GSTCD: variants seen among roughly 807,000 people sequenced by gnomAD.
GSTCD encodes the protein glutathione S-transferase C-terminal domain containing.
A neutral mutation model predicts 68.3 loss-of-function variants in GSTCD; 44 were observed. The observed-to-expected ratio is 0.64, with a 90% CI of 0.51 to 0.83. The LOEUF (loss-of-function observed/expected upper bound fraction) is 0.83, where lower values mean the gene tolerates loss of function less well. GSTCD is among the 40% of genes least tolerant of loss of function. The probability of loss-of-function intolerance (pLI) is 0.00; values close to 1 mark genes in which losing one functional copy is unlikely to be tolerated. For missense variants in GSTCD, 739 were observed against 735.9 expected (o/e 1.00, Z -0.05); for synonymous variants, 273 against 255.2 (o/e 1.07, Z -0.67).
intron 5 of GSTCD, chr4:105,807,362 A>G (rs1386423749): frequency 6.6e-6 from 1 of 152,080 alleles, no homozygotes; most frequent in East Asian, 1.9e-4. Flanking sequence ...TAATAATGTT[A>G]TGGAATACAC....
At chr4:105,834,380 A>G in intron 8 of GSTCD, 81 bp from the exon 9 acceptor site, 1 of 1,372,412 alleles carries the variant, frequency 7.3e-7, no homozygotes, top group Non-Finnish European at 1.0e-6. Flanking sequence ...GTATGGCCAA[A>G]TGAGAACTAT....
chr4:105,731,635 A>G (rs889225202), intron 5 of GSTCD, among the ~76,000 whole-genome samples: 2 of 152,190 alleles, frequency 1.3e-5, no homozygotes, highest in Non-Finnish European at 2.9e-5. Context: ...GGCCAGAGAC[A>G]ATGGGGTTTT....
At chr4:105,768,028 TA>T (rs201536710) in intron 5 of GSTCD, among the ~76,000 whole-genome samples, 6,849 of 150,646 alleles carry the variant, frequency 0.045, 202 homozygotes, top group Middle Eastern at 0.11. Flanking sequence ...AGAAATAGTG[TA>T]AAAAAAAAAT....
At chr4:105,714,964 A>G (rs980798394) in intron 1 of GSTCD, among the ~76,000 whole-genome samples, 21 of 152,222 alleles carry the variant, frequency 1.4e-4, no homozygotes, top group African/African-American at 5.1e-4. Flanking sequence ...AAGCTATTAA[A>G]TAGCATGGCT....
In GSTCD at chr4:105,845,823, A is replaced by G. The variant is rs1724526275; in HGVS notation, c.*246A>G. The stretch of plus-strand genomic sequence containing the variant: ...AGAATCCCCTGAAGTCTCAGCTGCC[A>G]AAAGAATAATACTAGTGGAGGTTCC... On this transcript the variant is annotated 3_prime_UTR_variant, in exon 12 of 12. Coordinates refer to ENST00000515279, the MANE Select transcript of GSTCD (RefSeq NM_001370181.1). 2.1e-6 allele frequency: 1 copy of G among 466,180 alleles called. No individual in the cohort carries two copies. The highest frequency in any genetic ancestry group is 3.6e-5 in the East Asian group (1 of 27,990). The allele number at this position is 466,180 out of a possible 1,614,324, so 28.9% of individuals were successfully genotyped here.
intron 5 of GSTCD, among the ~76,000 whole-genome samples, chr4:105,787,133 T>G (rs183915951): frequency 1.3e-5 from 2 of 152,232 alleles, no homozygotes; most frequent in East Asian, 3.9e-4. Context: ...TCAAAATATT[T>G]TTTTTACTGA....
chr4:105,731,289 A>C (rs1168561293), intron 5 of GSTCD, among the ~76,000 whole-genome samples: 1 of 152,196 alleles, frequency 6.6e-6, no homozygotes, highest in East Asian at 1.9e-4. Flanking sequence ...TAGCTTGATG[A>C]GGATGACATT....
intron 5 of GSTCD, among the ~76,000 whole-genome samples, chr4:105,821,871 GTTT>G (rs1305941972): frequency 1.3e-5 from 2 of 151,594 alleles, no homozygotes; most frequent in Non-Finnish European, 3.0e-5. Context: ...TTTTTATATA[GTTT>G]TTTATTTACA....
intron 5 of GSTCD, among the ~76,000 whole-genome samples, chr4:105,803,438 A>G (rs986285292): frequency 1.3e-5 from 2 of 152,110 alleles, no homozygotes; most frequent in South Asian, 2.1e-4. Context: ...ATGTATCTCT[A>G]TAACCTGAGG....
Position 105,768,038 on chromosome 4 carries a change from AT to A in GSTCD, c.1240+38554del, listed in dbSNP as rs753624063. Among the ~76,000 whole-genome samples the A allele has an allele frequency of 4.4e-3, 604 of 135,780 alleles. 2 individuals are homozygous for A. Among genetic ancestry groups the A allele is most frequent in the East Asian group, 0.021 (106 of 4,972 alleles). The allele number at this position is 135,780 out of a possible 152,430, so 89.1% of individuals were successfully genotyped here. A position where few individuals can be genotyped will look rare whatever the true frequency, so the allele number is the denominator to read the frequency against. Reference sequence around the variant, plus strand: ...TGAGAAGAAATAGTGTAAAAAAAAAATTTTTTTTTTTTTTTGAGACGGAGTC... The same window carrying A: ...TGAGAAGAAATAGTGTAAAAAAAAAATTTTTTTTTTTTTTGAGACGGAGTC... On this transcript the variant is annotated intron_variant, in intron 5 of 11. Coordinates refer to ENST00000515279, the MANE Select transcript of GSTCD (RefSeq NM_001370181.1).
At chr4:105,829,179 G>T (rs1723792261) in intron 8 of GSTCD, among the ~76,000 whole-genome samples, 1 of 134,280 alleles carries the variant, frequency 7.4e-6, no homozygotes. Flanking sequence ...AGATACTACA[G>T]CTATAATTAA....
intron 5 of GSTCD, among the ~76,000 whole-genome samples, chr4:105,773,464 T>C (rs2553442): frequency 0.61 from 92,559 of 152,064 alleles, 33,827 homozygotes; most frequent in East Asian, 0.9. Flanking sequence ...GTGTTGATTT[T>C]AGATCTTTCC....
intron 5 of GSTCD, among the ~76,000 whole-genome samples, chr4:105,748,846 T>C (rs1019499857): frequency 6.6e-6 from 1 of 151,982 alleles, no homozygotes; most frequent in Non-Finnish European, 1.5e-5. Flanking sequence ...GAAAAATAAT[T>C]TAAACTGGCA....
At chr4:105,791,450 G>A (rs1259834810) in intron 5 of GSTCD, among the ~76,000 whole-genome samples, 1 of 151,696 alleles carries the variant, frequency 6.6e-6, no homozygotes, top group East Asian at 1.9e-4. Context: ...GAACTATTTG[G>A]TTGTTGATGA....
intron 1 of GSTCD, among the ~76,000 whole-genome samples, chr4:105,711,438 C>T (rs750105136): frequency 6.6e-6 from 1 of 152,092 alleles, no homozygotes; most frequent in African/African-American, 2.4e-5. Flanking sequence ...AAAAACTTTT[C>T]AATCAATATA....
chr4:105,827,456 C>T (rs1723691046), intron 8 of GSTCD, among the ~76,000 whole-genome samples: 1 of 151,870 alleles, frequency 6.6e-6, no homozygotes, highest in Admixed American at 6.6e-5. Context: ...GACTTTTTTT[C>T]CTTTCATAAT....
intron 5 of GSTCD, among the ~76,000 whole-genome samples, chr4:105,818,729 CA>C (rs1415087577): frequency 2.0e-5 from 3 of 151,580 alleles, no homozygotes; most frequent in African/African-American, 7.3e-5. Context: ...CATAGTGCAT[CA>C]GGGGTATAAC....
intron 5 of GSTCD, among the ~76,000 whole-genome samples, chr4:105,758,389 T>A (rs1734274813): frequency 6.6e-6 from 1 of 152,204 alleles, no homozygotes; most frequent in Admixed American, 6.5e-5. Context: ...TAGGGGCAGA[T>A]CCCTCATGTC....
At chr4:105,732,063 A>G (rs1217484502) in intron 5 of GSTCD, among the ~76,000 whole-genome samples, 2 of 152,220 alleles carry the variant, frequency 1.3e-5, no homozygotes, top group Admixed American at 6.5e-5. Context: ...ATGGTGGATA[A>G]GCTCTTTGAT....
Sources: allele counts gnomAD v4.1 joint callset (sites outside exome capture counted in the v4.1 genomes callset), GRCh38; gene constraint gnomAD v4.1.1; transcripts MANE v1.5; gene names NCBI Gene and HGNC (gene_info 2026-07-23, HGNC 2026-07-21).